SH3RF3: variants seen among roughly 807,000 people sequenced by gnomAD.
The protein encoded by SH3RF3 is SH3 domain containing ring finger 3.
A neutral mutation model predicts 66.3 loss-of-function variants in SH3RF3; 29 were observed. The observed-to-expected ratio is 0.44, with a 90% CI of 0.33 to 0.60. The LOEUF (loss-of-function observed/expected upper bound fraction) is 0.60, where lower values mean the gene tolerates loss of function less well. Ranked by LOEUF, SH3RF3 falls within the 20% of genes least tolerant of loss-of-function variation. SH3RF3 has a pLI of 0.04. For synonymous variants in SH3RF3, 583 were observed against 532.0 expected (o/e 1.10, Z -1.32); for missense variants, 1,194 against 1,190.9 (o/e 1.00, Z -0.04).
At chr2:109,338,934 C>T (rs1459652430) in intron 1 of SH3RF3, among the ~76,000 whole-genome samples, 2 of 149,828 alleles carry the variant, frequency 1.3e-5, no homozygotes, top group African/African-American at 5.0e-5. Flanking sequence ...AGTTGATCAA[C>T]ACATATCTTG....
chr2:109,182,094 A>G (rs1367589740), intron 1 of SH3RF3, among the ~76,000 whole-genome samples: 1 of 152,180 alleles, frequency 6.6e-6, no homozygotes, highest in Non-Finnish European at 1.5e-5. Flanking sequence ...TAATTGCTTC[A>G]CCTGTTGAAG....
At chr2:109,132,024 T>C (rs1316877031) in intron 1 of SH3RF3, among the ~76,000 whole-genome samples, 2 of 152,138 alleles carry the variant, frequency 1.3e-5, no homozygotes, top group African/African-American at 4.8e-5. Flanking sequence ...CCCTATACAG[T>C]TGGTTGACAA....
chr2:109,468,512 T>G (rs1307282272), intron 8 of SH3RF3, among the ~76,000 whole-genome samples: 2 of 152,122 alleles, frequency 1.3e-5, no homozygotes, highest in African/African-American at 4.8e-5. Flanking sequence ...GCAAAATGTT[T>G]CCATGCGCCT....
chr2:109,389,764 A>T (rs1348193447), intron 3 of SH3RF3, among the ~76,000 whole-genome samples: 3 of 152,202 alleles, frequency 2.0e-5, no homozygotes, highest in East Asian at 3.8e-4. Context: ...CACATTACAT[A>T]TGTATAATGC....
At position 109,398,574 on chromosome 2, in the gene SH3RF3, C is replaced by T; in HGVS notation, c.946-16C>T. 1 of 1,536,116 alleles carries T rather than the reference C, an allele frequency of 6.5e-7. No homozygotes were observed. The highest frequency in any genetic ancestry group is 1.7e-4 in the Middle Eastern group (1 of 5,964). On this transcript the variant is annotated splice_polypyrimidine_tract_variant and intron_variant, in intron 3 of 9. Coordinates refer to ENST00000309415, the MANE Select transcript of SH3RF3 (RefSeq NM_001099289.3). ...CATGATTTAATGCAGCCTCCCCTCT[C>T]CCCTTTCTCACTCAGCTCAATGACT...
rs562291237 is a variant in SH3RF3, at chr2:109,156,030, T to C, written c.573+25917T>C. On this transcript the variant is annotated intron_variant, in intron 1 of 9. Transcript: ENST00000309415. ...CCCCATGCTTCCCACTGGGGTCATTTTGCCCCTGCCTGAAATCACCCGTAC... is the reference window on the plus strand; with the variant it reads ...CCCCATGCTTCCCACTGGGGTCATTCTGCCCCTGCCTGAAATCACCCGTAC... Among the ~76,000 whole-genome samples the C allele has an allele frequency of 2.3e-4, 35 of 152,332 alleles. 1 individual carries two copies. The East Asian group carries it at 4.1e-3, about 18-fold the overall frequency.
intron 1 of SH3RF3, among the ~76,000 whole-genome samples, chr2:109,153,988 C>T (rs550218485): frequency 3.4e-4 from 52 of 152,280 alleles, no homozygotes; most frequent in Non-Finnish European, 5.7e-4. Flanking sequence ...CAAATTTGGG[C>T]GGCAGCCAAG....
chr2:109,172,767 A>T (rs1574486836), intron 1 of SH3RF3, among the ~76,000 whole-genome samples: 1 of 152,216 alleles, frequency 6.6e-6, no homozygotes, highest in African/African-American at 2.4e-5. Context: ...TAGCTAAGAA[A>T]CCAAACTGCA....
At chr2:109,244,231 G>A (rs1467557612) in intron 1 of SH3RF3, among the ~76,000 whole-genome samples, 1 of 152,098 alleles carries the variant, frequency 6.6e-6, no homozygotes, top group Non-Finnish European at 1.5e-5. Context: ...AAAACATGAC[G>A]GGGGCATAAA....
At chr2:109,423,417 G>A (rs536783004) in intron 5 of SH3RF3, among the ~76,000 whole-genome samples, 3 of 152,214 alleles carry the variant, frequency 2.0e-5, no homozygotes, top group Admixed American at 6.5e-5. Flanking sequence ...TGGTCAAAAG[G>A]CCACCAAACC....
At chr2:109,378,195 T>C (rs949127551) in intron 3 of SH3RF3, among the ~76,000 whole-genome samples, 5 of 152,220 alleles carry the variant, frequency 3.3e-5, no homozygotes, top group African/African-American at 1.2e-4. Flanking sequence ...TCTGATCCTG[T>C]GGTCCGGGTG....
At chr2:109,190,877 G>A (rs1431758682) in intron 1 of SH3RF3, among the ~76,000 whole-genome samples, 1 of 151,690 alleles carries the variant, frequency 6.6e-6, no homozygotes, top group Non-Finnish European at 1.5e-5. Context: ...AAAGCACTGT[G>A]CTCTACCTAA....
At chr2:109,176,447 AGGGGCCAGCCAT>A (rs1677916886) in intron 1 of SH3RF3, among the ~76,000 whole-genome samples, 1 of 152,228 alleles carries the variant, frequency 6.6e-6, no homozygotes, top group Admixed American at 6.5e-5. Flanking sequence ...CAAAAGGCAT[AGGGGCCAGCCAT>A]GATGGCTCAT....
At chr2:109,276,695 T>G (rs1680766116) in intron 1 of SH3RF3, among the ~76,000 whole-genome samples, 1 of 152,178 alleles carries the variant, frequency 6.6e-6, no homozygotes, top group Admixed American at 6.5e-5. Flanking sequence ...TAGAGACCCT[T>G]TTTGGCTTGT....
intron 1 of SH3RF3, among the ~76,000 whole-genome samples, chr2:109,268,150 T>G (rs1680541652): frequency 6.6e-6 from 1 of 151,900 alleles, no homozygotes; most frequent in South Asian, 2.1e-4. Context: ...TCGTCACTTT[T>G]GCTGATGTTT....
chr2:109,155,325 G>T lies in SH3RF3; in HGVS notation c.573+25212G>T, dbSNP rs141685015. On this transcript the variant is annotated intron_variant, in intron 1 of 9. Transcript: ENST00000309415. ...TTTGTTTTGTTTTGTTTTAGAGATG[G>T]AGTCTCGCTCTGTTGCCCAGGCTGG... Among the ~76,000 whole-genome samples, 844 of 152,240 alleles carry T rather than the reference G, an allele frequency of 5.5e-3. 7 individuals carry two copies. Among genetic ancestry groups the T allele is most frequent in the African/African-American group, 0.019 (808 of 41,528 alleles).
chr2:109,473,749 A>G (rs1678592410), intron 8 of SH3RF3, among the ~76,000 whole-genome samples: 1 of 41,560 alleles, frequency 2.4e-5, no homozygotes, highest in Non-Finnish European at 4.6e-5. Context: ...TGCCTGCCTC[A>G]GGCTACCTCC....
chr2:109,216,911 A>C lies in SH3RF3; in HGVS notation c.573+86798A>C, dbSNP rs141188356. ...CTTCAGAACTCTTTTCGTCTTCCCA[A>C]ACCGAAATTCTGTCCCCATAAACAC... On this transcript the variant is annotated intron_variant, in intron 1 of 9. Transcript: ENST00000309415. Among the ~76,000 whole-genome samples, 555 of 152,300 alleles carry C rather than the reference A, an allele frequency of 3.6e-3. 2 individuals are homozygous for C. Among genetic ancestry groups the C allele is most frequent in the African/African-American group, 0.013 (527 of 41,564 alleles).
At chr2:109,180,273 T>C (rs1678045513) in intron 1 of SH3RF3, among the ~76,000 whole-genome samples, 1 of 152,202 alleles carries the variant, frequency 6.6e-6, no homozygotes, top group Non-Finnish European at 1.5e-5. Context: ...CAATCTCTGC[T>C]TCTCTCTGAG....
Sources: gnomAD v4.1 joint callset for allele counts (sites outside exome capture counted in the v4.1 genomes callset) on GRCh38, gnomAD v4.1.1 for gene constraint, MANE v1.5 for transcripts, NCBI Gene and HGNC (gene_info 2026-07-23, HGNC 2026-07-21) for gene names.